Variants in LINGO2 observed in about 807,000 individuals in gnomAD.
LINGO2 encodes the protein leucine rich repeat and Ig domain containing 2.
A neutral mutation model predicts 30.6 loss-of-function variants in LINGO2; 14 were observed. That is an observed-to-expected ratio of 0.46 (90% CI 0.30 to 0.72). The LOEUF is 0.72. Ranked by LOEUF, LINGO2 falls within the 30% of genes least tolerant of loss-of-function variation. The probability of loss-of-function intolerance (pLI) is 0.07; values close to 1 mark genes in which losing one functional copy is unlikely to be tolerated. For missense variants in LINGO2, 729 were observed against 751.7 expected, an observed-to-expected ratio of 0.97 and a Z score of 0.35; for synonymous variants, 317 against 288.5, an observed-to-expected ratio of 1.10 and a Z score of -1.00.
At chr9:29,074,932 T>G in the LINGO2 span, among the ~76,000 whole-genome samples, 1 of 152,000 alleles carries the variant, frequency 6.6e-6, no homozygotes, top group East Asian at 1.9e-4. Context: ...CGCCTCGGCC[T>G]CCCAAAGTGC....
the LINGO2 span, among the ~76,000 whole-genome samples, chr9:28,897,666 T>A: frequency 6.6e-6 from 1 of 152,078 alleles, no homozygotes; most frequent in African/African-American, 2.4e-5. Context: ...TTTCCTCTCC[T>A]GTAAAACGAA....
intron 4 of LINGO2, among the ~76,000 whole-genome samples, chr9:28,139,035 T>A (rs534616302): frequency 2.6e-5 from 4 of 152,344 alleles, no homozygotes; most frequent in Admixed American, 2.6e-4. Flanking sequence ...GAGGCAGTGG[T>A]CTGTTCAGTC....
chr9:28,215,531 A>G (rs953198747), intron 4 of LINGO2, among the ~76,000 whole-genome samples: 2 of 151,858 alleles, frequency 1.3e-5, no homozygotes, highest in Non-Finnish European at 2.9e-5. Flanking sequence ...ACATTTTTTG[A>G]GCTGGAAGAG....
chr9:28,941,798 G>C, the LINGO2 span, among the ~76,000 whole-genome samples: 8 of 151,896 alleles, frequency 5.3e-5, no homozygotes, highest in African/African-American at 1.9e-4. Flanking sequence ...TAAAACCTTT[G>C]GTATACAGAT....
At chr9:29,158,552 A>T in the LINGO2 span, among the ~76,000 whole-genome samples, 1 of 123,314 alleles carries the variant, frequency 8.1e-6, no homozygotes, top group South Asian at 2.4e-4. Flanking sequence ...CAAAGCTCTC[A>T]AGTCAATTTT....
At chr9:28,525,286 G>C (rs895035592) in intron 1 of LINGO2, among the ~76,000 whole-genome samples, 1 of 152,060 alleles carries the variant, frequency 6.6e-6, no homozygotes, top group African/African-American at 2.4e-5. Flanking sequence ...TCTGAAACTA[G>C]GTTTTCAGTT....
At chr9:28,996,601 T>C in the LINGO2 span, among the ~76,000 whole-genome samples, 4 of 152,212 alleles carry the variant, frequency 2.6e-5, no homozygotes, top group African/African-American at 9.6e-5. Context: ...CCAAGGTATA[T>C]ATAATTCTTC....
chr9:28,299,990 G>A (rs1392019518), intron 3 of LINGO2, among the ~76,000 whole-genome samples: 2 of 152,052 alleles, frequency 1.3e-5, no homozygotes, highest in South Asian at 2.1e-4. Context: ...TGTAAATGGT[G>A]TTTCTGGTAG....
the LINGO2 span, among the ~76,000 whole-genome samples, chr9:28,733,378 G>A: frequency 9.2e-5 from 14 of 152,096 alleles, no homozygotes; most frequent in African/African-American, 3.1e-4. Flanking sequence ...TATTTTAGCT[G>A]AAGGAAGGTT....
At chr9:28,794,302 T>TCAAAA in the LINGO2 span, among the ~76,000 whole-genome samples, 6 of 152,106 alleles carry the variant, frequency 3.9e-5, no homozygotes, top group East Asian at 1.9e-4. Flanking sequence ...AGACTCCGTC[T>TCAAAA]CAAAACAAAA....
chr9:28,891,827 T>G, the LINGO2 span, among the ~76,000 whole-genome samples: 9 of 145,866 alleles, frequency 6.2e-5, no homozygotes, highest in Non-Finnish European at 1.2e-4. Context: ...AATACAAATA[T>G]TTCTTAAATA....
chr9:28,117,413 C>T (rs1373275528), intron 4 of LINGO2, among the ~76,000 whole-genome samples: 1 of 115,426 alleles, frequency 8.7e-6, no homozygotes, highest in Non-Finnish European at 1.8e-5. Flanking sequence ...GGCAGGCAGG[C>T]CTCCTTGAGC....
chr9:28,543,552 A>T (rs1308133895), intron 1 of LINGO2, among the ~76,000 whole-genome samples: 3 of 152,046 alleles, frequency 2.0e-5, no homozygotes, highest in Non-Finnish European at 2.9e-5. Flanking sequence ...AATTTTTATG[A>T]ATTTTGAGTT....
At chr9:28,847,967 A>C in the LINGO2 span, among the ~76,000 whole-genome samples, 4 of 116,428 alleles carry the variant, frequency 3.4e-5, no homozygotes, top group East Asian at 5.1e-4. Context: ...ACACACATAT[A>C]TATGTATATA....
chr9:28,870,981 T>C, the LINGO2 span, among the ~76,000 whole-genome samples: 1 of 151,910 alleles, frequency 6.6e-6, no homozygotes, highest in East Asian at 1.9e-4. Flanking sequence ...GTAGGAAATG[T>C]CAAAATTTCA....
the LINGO2 span, chr9:27,941,583 G>C: frequency 6.6e-6 from 1 of 152,344 alleles, no homozygotes. Flanking sequence ...ATGACTGTCA[G>C]CTTTCTGCTT....
At chr9:28,121,099 C>T (rs1271516655) in intron 4 of LINGO2, among the ~76,000 whole-genome samples, 1 of 151,966 alleles carries the variant, frequency 6.6e-6, no homozygotes, top group Non-Finnish European at 1.5e-5. Context: ...CTCCAGAACA[C>T]AATTATTCAT....
chr9:28,766,459 C>T, the LINGO2 span, among the ~76,000 whole-genome samples: 1 of 138,936 alleles, frequency 7.2e-6, no homozygotes, highest in Admixed American at 7.2e-5. Context: ...AAAAAAAAAA[C>T]CCTTGTACAC....
intron 3 of LINGO2, among the ~76,000 whole-genome samples, chr9:28,370,986 A>T (rs1821748560): frequency 6.6e-6 from 1 of 152,222 alleles, no homozygotes; most frequent in African/African-American, 2.4e-5. Flanking sequence ...GGCTAATGCA[A>T]GCCATCAGAA....
Sources: gnomAD v4.1 joint callset for allele counts (sites outside exome capture counted in the v4.1 genomes callset) on GRCh38, gnomAD v4.1.1 for gene constraint, MANE v1.5 for transcripts, NCBI Gene and HGNC (gene_info 2026-07-23, HGNC 2026-07-21) for gene names.